SCIN: variants seen among roughly 807,000 people sequenced by gnomAD.
SCIN encodes the protein scinderin.
In SCIN, 91 loss-of-function variants were observed where a neutral mutation model predicts 91.8. The ratio of observed to expected loss-of-function variants is 0.99; its 90% CI spans 0.84 to 1.18. The LOEUF (loss-of-function observed/expected upper bound fraction) is 1.18. Ranked by LOEUF, SCIN falls within the 50% of genes most tolerant of loss-of-function variation. SCIN has a pLI of 0.00. For missense variants in SCIN, 1,087 were observed against 863.9 expected (o/e 1.26, Z -3.24); for synonymous variants, 367 against 312.6 (o/e 1.17, Z -1.84).
At position 12,629,947 on chromosome 7, in the gene SCIN, G is replaced by A. The variant is rs530389048; in HGVS notation, c.1319+725G>A. Among the ~76,000 whole-genome samples the A allele has an allele frequency of 3.3e-5, 5 of 151,900 alleles. No homozygotes were observed. The East Asian group carries it at 7.8e-4, about 24-fold the overall frequency. On this transcript the variant is annotated intron_variant, in intron 9 of 15. Transcript: ENST00000297029. ...GGTAAAAATAGAATATTGCTAAGAC[G>A]GCTGGAAAAAAGAAAATAATTCTTA...
chr7:12,587,761 C>T (rs1332219672), intron 3 of SCIN, among the ~76,000 whole-genome samples: 1 of 152,204 alleles, frequency 6.6e-6, no homozygotes, highest in South Asian at 2.1e-4. Flanking sequence ...GTGTGCTGGG[C>T]TCTTCTCAAA....
At chr7:12,580,644 T>A (rs1245302132) in intron 2 of SCIN, among the ~76,000 whole-genome samples, 3 of 152,222 alleles carry the variant, frequency 2.0e-5, no homozygotes, top group Non-Finnish European at 4.4e-5. Context: ...CTCTGGCTGC[T>A]GTCATCTGTA....
rs1016493817 is a variant in SCIN, at chr7:12,657,408, CA to C, written c.*4694del. On this transcript the variant is annotated 3_prime_UTR_variant, in exon 16 of 16. Coordinates refer to ENST00000297029, the MANE Select transcript of SCIN (RefSeq NM_001112706.3). ...ATTCTTTGTAGAGATGGGGTTTTGC[CA>C]TGTTGTCCAGGCTGGTCTTGAACTC... 1 of 149,022 alleles carries C rather than the reference CA, an allele frequency of 6.7e-6. No homozygotes were observed. Among genetic ancestry groups the C allele is most frequent in the Non-Finnish European group, 1.5e-5 (1 of 67,266 alleles). 9.2% of individuals were successfully genotyped at this position (149,022 alleles called of 1,614,324 possible). A position where few individuals can be genotyped will look rare whatever the true frequency, so the allele number is the denominator to read the frequency against.
intron 4 of SCIN, among the ~76,000 whole-genome samples, chr7:12,611,932 A>G (rs1026254980): frequency 6.8e-6 from 1 of 148,040 alleles, no homozygotes; most frequent in Non-Finnish European, 1.5e-5. Flanking sequence ...CTTAAAATAA[A>G]AAAAAAAAAA....
At chr7:12,622,063 A>T (rs924993249) in intron 4 of SCIN, among the ~76,000 whole-genome samples, 3 of 151,924 alleles carry the variant, frequency 2.0e-5, no homozygotes, top group Admixed American at 2.0e-4. Context: ...TTGACATTCT[A>T]TGCTGTTTGT....
At chr7:12,619,404 A>C (rs1783361295) in intron 4 of SCIN, among the ~76,000 whole-genome samples, 1 of 152,222 alleles carries the variant, frequency 6.6e-6, no homozygotes, top group African/African-American at 2.4e-5. Context: ...AAACAGAGGT[A>C]CATGCTGTGA....
At chr7:12,591,541 A>T (rs930339594) in intron 3 of SCIN, among the ~76,000 whole-genome samples, 1 of 151,970 alleles carries the variant, frequency 6.6e-6, no homozygotes, top group Admixed American at 6.6e-5. Context: ...CAGTATAGAG[A>T]GTGAAAGGTT....
At chr7:12,642,640 C>G (rs1783880161) in intron 11 of SCIN, among the ~76,000 whole-genome samples, 1 of 149,748 alleles carries the variant, frequency 6.7e-6, no homozygotes, top group Admixed American at 6.7e-5. Context: ...TGCCAGTGAC[C>G]TGCCACATGC....
intron 3 of SCIN, among the ~76,000 whole-genome samples, chr7:12,603,693 T>C (rs556058079): frequency 6.6e-6 from 1 of 152,292 alleles, no homozygotes; most frequent in Admixed American, 6.5e-5. Flanking sequence ...TAGTTTAATC[T>C]AAATGGTAGC....
Position 12,625,033 on chromosome 7 carries a change from G to C in SCIN, c.783G>C (p.Met261Ile), listed in dbSNP as rs931929386. The stretch of plus-strand genomic sequence containing the variant: ...AGGTTTCAGATGCAAGTGGCTCCAT[G>C]AGAGTGACTGTGGTGGCAGAAGAAA... ...LYMVSDASGS[M>I]RVTVVAEENP... Residue 261 changes from methionine to isoleucine, a missense_variant, in exon 6 of 16, where the codon ATG becomes ATC. By Grantham distance (10) the Met-to-Ile change is conservative. Transcript: ENST00000297029. 1 of 1,569,056 alleles carries C rather than the reference G, an allele frequency of 6.4e-7. No individual in the cohort carries two copies. The highest frequency in any genetic ancestry group is 1.9e-5 in the Admixed American group (1 of 53,206).
Position 12,644,228 on chromosome 7 carries a change from G to A in SCIN, c.1672G>A (p.Ala558Thr), listed in dbSNP as rs1783912222. Residue 558 changes from alanine (A) to threonine (T), a missense_variant, in exon 12 of 16, where the codon GCT becomes ACT. Ala to Thr is a moderately conservative substitution (Grantham distance 58, BLOSUM62 0). Transcript: ENST00000297029. The stretch of plus-strand genomic sequence containing the variant: ...TGGCTACATCTGGGTAGGAAAAGGT[G>A]CTAGCCAGGAGGAGGAGAAAGGAGC... ...NSGYIWVGKG[A>T]SQEEEKGAEY... The A allele has an allele frequency of 1.2e-6, 2 of 1,610,242 alleles. No homozygotes were observed. Among genetic ancestry groups the A allele is most frequent in the East Asian group, 2.2e-5 (1 of 44,790 alleles).
At position 12,659,886 on chromosome 7, in the gene SCIN, G is replaced by C. The variant is rs1335721850; in HGVS notation, c.*7171G>C. 1 of 161,362 alleles carries C rather than the reference G, an allele frequency of 6.2e-6. No individual in the cohort carries two copies. The highest frequency in any genetic ancestry group is 2.0e-4 in the South Asian group (1 of 4,992). 10.0% of individuals were successfully genotyped at this position (161,362 alleles called of 1,614,324 possible). On this transcript the variant is annotated 3_prime_UTR_variant, in exon 16 of 16. Coordinates refer to ENST00000297029, the MANE Select transcript of SCIN (RefSeq NM_001112706.3). ...GCAATTGAAGATCTACAAAAGAAGT[G>C]AAAATTACCTTAACTGATGACATTC...
At chr7:12,623,377 G>T (rs1369849305) in intron 5 of SCIN, among the ~76,000 whole-genome samples, 1 of 152,096 alleles carries the variant, frequency 6.6e-6, no homozygotes, top group South Asian at 2.1e-4. Context: ...TCTGTTCCAG[G>T]CATTAACCTA....
chr7:12,657,572 A>ATTTTTTTTTTTT lies in SCIN; in HGVS notation c.*4872_*4883dup, dbSNP rs71030521. On this transcript the variant is annotated 3_prime_UTR_variant, in exon 16 of 16. Coordinates refer to ENST00000297029, the MANE Select transcript of SCIN (RefSeq NM_001112706.3). ...TATATATATATATATATATATATAT[A>ATTTTTTTTTTTT]TTTTTTTTTTTTTTTTTTTTTTTTT... 4.5e-5 allele frequency: 1 copy of ATTTTTTTTTTTT among 22,088 alleles called. No individual in the cohort carries two copies. Among genetic ancestry groups the ATTTTTTTTTTTT allele is most frequent in the African/African-American group, 8.1e-5 (1 of 12,388 alleles). 1.4% of individuals were successfully genotyped at this position (22,088 alleles called of 1,614,324 possible).
chr7:12,614,945 A>G (rs991317), intron 4 of SCIN, among the ~76,000 whole-genome samples: 67,498 of 151,984 alleles, frequency 0.44, 15,920 homozygotes, highest in Admixed American at 0.6. Context: ...CAGAGCACCA[A>G]TAGCATCTGC....
chr7:12,583,112 C>T (rs1392311864), intron 3 of SCIN, among the ~76,000 whole-genome samples: 1 of 150,518 alleles, frequency 6.6e-6, no homozygotes, highest in Non-Finnish European at 1.5e-5. Flanking sequence ...TATTTCTTTT[C>T]TTAAAAAAAA....
At chr7:12,581,007 C>G in intron 2 of SCIN, 53 bp from the exon 3 acceptor site, 1 of 1,524,644 alleles carries the variant, frequency 6.6e-7, no homozygotes, top group Non-Finnish European at 8.9e-7. Context: ...TAGGCAGACA[C>G]CTCATCAGTT....
At chr7:12,616,570 G>A (rs1783303227) in intron 4 of SCIN, among the ~76,000 whole-genome samples, 1 of 152,124 alleles carries the variant, frequency 6.6e-6, no homozygotes, top group South Asian at 2.1e-4. Flanking sequence ...CGAAAACACT[G>A]CACTGAAAGT....
chr7:12,627,667 G>C (rs563464140), intron 8 of SCIN, among the ~76,000 whole-genome samples: 1 of 152,226 alleles, frequency 6.6e-6, no homozygotes, highest in Non-Finnish European at 1.5e-5. Context: ...AGAGTGGGAA[G>C]TGCCAAGGGA....
Sources: gnomAD v4.1 joint callset for allele counts (sites outside exome capture counted in the v4.1 genomes callset) on GRCh38, gnomAD v4.1.1 for gene constraint, MANE v1.5 for transcripts, NCBI Gene and HGNC (gene_info 2026-07-23, HGNC 2026-07-21) for gene names.